Variants in EEF2 observed in about 807,000 individuals in gnomAD.
EEF2 encodes elongation factor 2.
In EEF2, 21 loss-of-function variants were observed where a neutral mutation model predicts 85.3. That is an observed-to-expected ratio of 0.25 (90% confidence interval 0.17 to 0.35). The LOEUF (loss-of-function observed/expected upper bound fraction) is 0.35, where lower values mean the gene tolerates loss of function less well. Among genes scored for constraint, EEF2 ranks in the 10% least tolerant of loss-of-function variants. The probability of loss-of-function intolerance (pLI) is 1.00; values close to 1 mark genes in which losing one functional copy is unlikely to be tolerated. For synonymous variants in EEF2, 723 were observed against 508.8 expected, an observed-to-expected ratio of 1.42 and a Z score of -5.67; for missense variants, 825 against 1,225.3, an observed-to-expected ratio of 0.67 and a Z score of 4.88.
chr19:3,985,105 ACAT>A (rs1367358742), intron 1 of EEF2: 4 of 388,048 alleles, frequency 1.0e-5, no homozygotes, highest in Non-Finnish European at 1.4e-5. Flanking sequence ...TACGCCTGCC[ACAT>A]CATCATTCCC....
rs2039684484 is a variant in EEF2, at chr19:3,976,766, G to A, written c.2384-19C>T. 6.6e-7 allele frequency: 1 copy of A among 1,524,378 alleles called. No homozygotes were observed. Among genetic ancestry groups the A allele is most frequent in the Non-Finnish European group, 8.7e-7 (1 of 1,142,988 alleles). The allele number at this position is 1,524,378 out of a possible 1,614,324, so 94.4% of individuals were successfully genotyped here. A position where few individuals can be genotyped will look rare whatever the true frequency, so the allele number is the denominator to read the frequency against. On this transcript the variant is annotated intron_variant, in intron 14 of 14. Transcript: ENST00000309311. ...GTGAAGCCTGCAGAGGGAAGCGAGA[G>A]GCTCACTGGGCCATCGAGAAGGTGG... is the stretch of plus-strand genomic sequence containing the variant.
At position 3,984,400 on chromosome 19, in the gene EEF2, G is replaced by C. The variant is rs1404728115; in HGVS notation, c.4-50C>G. The C allele has an allele frequency of 6.3e-6, 10 of 1,585,262 alleles. No individual in the cohort carries two copies. In the Admixed American group the frequency reaches 1.3e-4, roughly 21 times the overall value. On this transcript the variant is annotated intron_variant, in intron 1 of 14. Transcript: ENST00000309311. Reference sequence around the variant, plus strand: ...CCAGCTCGTGATTTCCAGGAACACAGCATGGCACGGAGCGTTCAGTCCAAA... The same window carrying C: ...CCAGCTCGTGATTTCCAGGAACACACCATGGCACGGAGCGTTCAGTCCAAA...
At position 3,984,542 on chromosome 19, in the gene EEF2, T is replaced by C. The variant is rs28635819; in HGVS notation, c.4-192A>G. ...CCCGCAATCTCCAAGGAACCACCGT[T>C]AATAGGTGTCATTCATGATTGACAA... On this transcript the variant is annotated intron_variant, in intron 1 of 14. Transcript: ENST00000309311. Among the ~76,000 whole-genome samples, 5,128 of 152,260 alleles carry C rather than the reference T, an allele frequency of 0.034. 290 individuals are homozygous for C. Among genetic ancestry groups the C allele is most frequent in the African/African-American group, 0.12 (4,834 of 41,520 alleles).
rs777339030 is a variant in EEF2, at chr19:3,980,609, G to A, written c.1251C>T (p.Phe417=). ...KGRFYAFGRV[F]SGLVSTGLKV... Reference sequence around the variant, plus strand: ...TCAGGCCAGTGGAGACCAGCCCCGAGAAGACTCGTCCAAAGGCGTAGAACC... The same window carrying A: ...TCAGGCCAGTGGAGACCAGCCCCGAAAAGACTCGTCCAAAGGCGTAGAACC... The change falls in exon 9 of 15, where the codon TTC becomes TTT. Residue 417 remains phenylalanine, a synonymous_variant. Coordinates refer to ENST00000309311, the MANE Select transcript of EEF2 (RefSeq NM_001961.4). 14 of 1,614,118 alleles carry A rather than the reference G, an allele frequency of 8.7e-6. No homozygotes were observed. The African/African-American group carries it at 1.1e-4, about 12-fold the overall frequency.
intron 10 of EEF2, 40 bp downstream of exon 10, chr19:3,979,768 C>CG: frequency 6.3e-7 from 1 of 1,596,532 alleles, no homozygotes; most frequent in Non-Finnish European, 8.5e-7. Context: ...GCCGTCCCCC[C>CG]TCAGGGTGTC....
At position 3,976,166 on chromosome 19, in the gene EEF2, C is replaced by G. The variant is rs533543963; in HGVS notation, c.*388G>C. 45 of 242,488 alleles carry G rather than the reference C, an allele frequency of 1.9e-4. No individual in the cohort carries two copies. The highest frequency in any genetic ancestry group is 1.0e-3 in the African/African-American group (43 of 42,946). The allele number at this position is 242,488 out of a possible 1,614,324, so 15.0% of individuals were successfully genotyped here. Reference sequence around the variant, plus strand: ...CTAGAAATCATCTACCCGCGTGTTCCTTTCCCCTTTCTGGGGCAAAAGCCA... The same window carrying G: ...CTAGAAATCATCTACCCGCGTGTTCGTTTCCCCTTTCTGGGGCAAAAGCCA... On this transcript the variant is annotated 3_prime_UTR_variant, in exon 15 of 15. Transcript: ENST00000309311.
In EEF2 at chr19:3,977,385, G is replaced by A. The variant is rs1170009399; in HGVS notation, c.2251-38C>T. The A allele has an allele frequency of 3.1e-6, 5 of 1,591,726 alleles. No individual in the cohort carries two copies. Among genetic ancestry groups the A allele is most frequent in the Admixed American group, 3.6e-5 (2 of 55,364 alleles). The stretch of plus-strand genomic sequence containing the variant: ...AAAGAAAACCTGTCAGTGGCCGCTG[G>A]GCAGGACGGTGGCAGGGTCAGCGGT... On this transcript the variant is annotated intron_variant, in intron 13 of 14. Transcript: ENST00000309311. The surrounding 1 kb of genome is among the most constrained non-coding windows in gnomAD (Gnocchi z 5.4).
chr19:3,985,434 C>T lies in EEF2; in HGVS notation c.-54G>A. ...GTAGAACCGAAAGAAGCGAGTCGCG[C>T]CGAGGATGGCGGCGACGACGGCGGA... is the stretch of plus-strand genomic sequence containing the variant. On this transcript the variant is annotated 5_prime_UTR_variant, in exon 1 of 15. Transcript: ENST00000309311. The T allele has an allele frequency of 6.9e-7, 1 of 1,456,736 alleles. No individual in the cohort carries two copies. The highest frequency in any genetic ancestry group is 9.1e-7 in the Non-Finnish European group (1 of 1,098,738). The allele number at this position is 1,456,736 out of a possible 1,614,324, so 90.2% of individuals were successfully genotyped here. A position where few individuals can be genotyped will look rare whatever the true frequency, so the allele number is the denominator to read the frequency against.
chr19:3,981,405 C>G lies in EEF2; in HGVS notation c.945G>C (p.Leu315=). Residue 315 remains leucine (L), a synonymous_variant, in exon 7 of 15, where the codon CTG becomes CTC. Transcript: ENST00000309311. ...MNFKKEETAK[L]IEKLDIKLDS... is the part of the protein sequence containing the mutation. ...CCAGTTTGATGTCCAGTTTCTCTAT[C>G]AGTTTTGCTGTCTCCTCTTTCTTGA... 6.2e-7 allele frequency: 1 copy of G among 1,614,246 alleles called. No individual in the cohort carries two copies. The highest frequency in any genetic ancestry group is 8.5e-7 in the Non-Finnish European group (1 of 1,180,056).
chr19:3,977,126 CTCCTTT>C lies in EEF2; in HGVS notation c.2383+83_2383+88del. On this transcript the variant is annotated intron_variant, in intron 14 of 14. Transcript: ENST00000309311. This position sits in a 1 kb window ranked among gnomAD's most constrained non-coding sequence, Gnocchi z 5.4. ...CCATCACCTGCTCCCATCAGGACGC[CTCCTTT>C]AACACCTTGCTAAGCTTAACTGGGC... is the stretch of plus-strand genomic sequence containing the variant. 1.3e-6 allele frequency: 2 copies of C among 1,543,844 alleles called. No homozygotes were observed. The highest frequency in any genetic ancestry group is 3.7e-5 in the Admixed American group (2 of 54,042).
At chr19:3,981,169 TG>T (rs2145361979) in intron 7 of EEF2, among the ~76,000 whole-genome samples, 169 bp downstream of exon 7, 1 of 152,330 alleles carries the variant, frequency 6.6e-6, no homozygotes, top group African/African-American at 2.4e-5. Context: ...CTGTCCCGGA[TG>T]GGGCTGGCTG....
In EEF2 at chr19:3,982,868, T is replaced by C. The variant is rs143380902; in HGVS notation, c.551A>G (p.Asn184Ser). 8.1e-6 allele frequency: 13 copies of C among 1,613,578 alleles called. No homozygotes were observed. In the African/African-American group the frequency reaches 1.7e-4, roughly 22 times the overall value. The change falls in exon 4 of 15, where the codon AAC becomes AGC. Residue 184 changes from asparagine (N) to serine (S), a missense_variant. Asn to Ser is a conservative substitution (Grantham distance 46, BLOSUM62 1). Transcript: ENST00000309311. ...LYQTFQRIVE[N>S]VNVIISTYGE... is the part of the protein sequence containing the mutation. Reference sequence around the variant, plus strand: ...GTAGGTGGAGATGATGACGTTCACGTTCTCCACGATGCGCTGGAAAGTCTG... The same window carrying C: ...GTAGGTGGAGATGATGACGTTCACGCTCTCCACGATGCGCTGGAAAGTCTG...
Position 3,976,359 on chromosome 19 carries a change from G to A in EEF2, c.*195C>T, listed in dbSNP as rs543729212. 7.8e-5 allele frequency: 32 copies of A among 409,990 alleles called. No homozygotes were observed. The highest frequency in any genetic ancestry group is 2.2e-4 in the African/African-American group (10 of 45,516). The allele number at this position is 409,990 out of a possible 1,614,324, so 25.4% of individuals were successfully genotyped here. A position where few individuals can be genotyped will look rare whatever the true frequency, so the allele number is the denominator to read the frequency against. On this transcript the variant is annotated 3_prime_UTR_variant, in exon 15 of 15. Coordinates refer to ENST00000309311, the MANE Select transcript of EEF2 (RefSeq NM_001961.4). ...CTAAGAGGGCGTGTCTGCTGCCTCC[G>A]GACTCTGGAAATAAATATTGAAAGA...
At position 3,983,309 on chromosome 19, in the gene EEF2, T is replaced by C. The variant is rs748432436; in HGVS notation, c.219-18A>G. On this transcript the variant is annotated intron_variant, in intron 2 of 14. Transcript: ENST00000309311. ...AGATGGCACTGATGGAGGGAGGGAC[T>C]CGTCAGGGGGACAGGAGCCACACAC... 1 of 1,609,258 alleles carries C rather than the reference T, an allele frequency of 6.2e-7. No homozygotes were observed. Among genetic ancestry groups the C allele is most frequent in the Non-Finnish European group, 8.5e-7 (1 of 1,177,394 alleles).
chr19:3,984,204 C>T lies in EEF2; in HGVS notation c.150G>A (p.Arg50=). 1 of 1,614,104 alleles carries T rather than the reference C, an allele frequency of 6.2e-7. No homozygotes were observed. The highest frequency in any genetic ancestry group is 8.5e-7 in the Non-Finnish European group (1 of 1,180,032). The change falls in exon 2 of 15, where the codon CGG becomes CGA. Residue 50 remains arginine (R), a synonymous_variant. Coordinates refer to ENST00000309311, the MANE Select transcript of EEF2 (RefSeq NM_001961.4). ...VCKAGIIASA[R]AGETRFTDTR... ...TATCAGTGAAGCGTGTCTCCCCGGCCCGGGCCGAGGCGATGATGCCCGCCT... is the reference window on the plus strand; with the variant it reads ...TATCAGTGAAGCGTGTCTCCCCGGCTCGGGCCGAGGCGATGATGCCCGCCT...
In EEF2 at chr19:3,982,040, T is replaced by C. The variant is rs2039755746; in HGVS notation, c.804A>G (p.Pro268=). 6.2e-7 allele frequency: 1 copy of C among 1,614,036 alleles called. No homozygotes were observed. Among genetic ancestry groups the C allele is most frequent in the Admixed American group, 1.7e-5 (1 of 60,004 alleles). The change falls in exon 6 of 15, where the codon CCA becomes CCG. Residue 268 remains proline (P), a synonymous_variant. Coordinates refer to ENST00000309311, the MANE Select transcript of EEF2 (RefSeq NM_001961.4). ...CTGACTTGCTGAACTTGCCGTTGGC[T>C]GGGTCAAAGTACCTGGCAAGGAGAG... is the stretch of plus-strand genomic sequence containing the variant. ...KKLWGDRYFD[P]ANGKFSKSAT...
At position 3,977,912 on chromosome 19, in the gene EEF2, G is replaced by T; in HGVS notation, c.1974C>A (p.Gly658=). 6.2e-7 allele frequency: 1 copy of T among 1,613,652 alleles called. No individual in the cohort carries two copies. Among genetic ancestry groups the T allele is most frequent in the Non-Finnish European group, 8.5e-7 (1 of 1,179,982 alleles). ...KIWCFGPDGT[G]PNILTDITKG... is the part of the protein sequence containing the mutation. ...TGGTGATGTCGGTGAGGATGTTGGG[G>T]CCGGTGCCGTCGGGCCCAAAGCACC... The change falls in exon 12 of 15, where the codon GGC becomes GGA. Residue 658 remains glycine (G), a synonymous_variant. Transcript: ENST00000309311. The surrounding 1 kb of genome is among the most constrained non-coding windows in gnomAD (Gnocchi z 5.4).
chr19:3,983,599 G>A (rs182768466), intron 2 of EEF2, among the ~76,000 whole-genome samples: 15 of 152,084 alleles, frequency 9.9e-5, no homozygotes, highest in African/African-American at 3.4e-4. Context: ...CCAGCAGGAC[G>A]GCAAAAGCCT....
rs374586030 is a variant in EEF2, at chr19:3,984,482, C to T, written c.4-132G>A. ...TGGTGCTGGGGTGCCCCAAGCCCAC[C>T]GAATCTTGCCAGCCTAACACCCCTT... On this transcript the variant is annotated intron_variant, in intron 1 of 14. Coordinates refer to ENST00000309311, the MANE Select transcript of EEF2 (RefSeq NM_001961.4). The T allele has an allele frequency of 6.9e-5, 64 of 922,178 alleles. No homozygotes were observed. The African/African-American group carries it at 8.8e-4, about 13-fold the overall frequency. 57.1% of individuals were successfully genotyped at this position (922,178 alleles called of 1,614,324 possible). A position where few individuals can be genotyped will look rare whatever the true frequency, so the allele number is the denominator to read the frequency against.
Sources: allele counts gnomAD v4.1 joint callset (sites outside exome capture counted in the v4.1 genomes callset), GRCh38; gene constraint gnomAD v4.1.1; non-coding constraint Gnocchi (gnomAD v3.1); transcripts MANE v1.5; gene names NCBI Gene and HGNC (gene_info 2026-07-23, HGNC 2026-07-21).